The following SORBS2 variants were observed in gnomAD, a reference collection of about 807,000 sequenced individuals.
SORBS2 encodes the protein sorbin and SH3 domain containing 2, also known as sorbin and SH3 domain-containing protein 2.
SORBS2 carries 46 observed loss-of-function variants against 97.7 expected under a neutral mutation model. The observed-to-expected ratio is 0.47, with a 90% CI of 0.37 to 0.60. SORBS2 has a LOEUF of 0.60. Among genes scored for constraint, SORBS2 ranks in the 20% least tolerant of loss-of-function variants. The pLI, the probability that SORBS2 is intolerant of heterozygous loss-of-function variation, is 0.00. For missense variants in SORBS2, 1,316 were observed against 1,282.3 expected (o/e 1.03, Z -0.40); for synonymous variants, 476 against 473.4 (o/e 1.01, Z -0.07).
At chr4:185,814,896 G>A (rs543504424) in intron 1 of SORBS2, among the ~76,000 whole-genome samples, 8 of 152,242 alleles carry the variant, frequency 5.3e-5, no homozygotes. Context: ...CATTGGCATT[G>A]CTCTGACCTC....
intron 1 of SORBS2, among the ~76,000 whole-genome samples, chr4:185,907,059 C>T (rs2099251341): frequency 6.6e-6 from 1 of 151,770 alleles, no homozygotes; most frequent in South Asian, 2.1e-4. Flanking sequence ...CAGCTTGAAC[C>T]TTGGAGGCAG....
intron 1 of SORBS2, among the ~76,000 whole-genome samples, chr4:185,836,091 C>CAGA (rs1353366543): frequency 1.3e-5 from 2 of 151,864 alleles, no homozygotes; most frequent in Non-Finnish European, 2.9e-5. Context: ...AACGATGACC[C>CAGA]AGAGCTCCAG....
intron 4 of SORBS2, among the ~76,000 whole-genome samples, chr4:185,636,560 C>T (rs1281151805): frequency 2.0e-5 from 3 of 151,902 alleles, no homozygotes; most frequent in African/African-American, 7.3e-5. Flanking sequence ...CGCATAAAAA[C>T]GTGTGTAACT....
chr4:185,815,634 T>C (rs1350418391), intron 1 of SORBS2, among the ~76,000 whole-genome samples: 1 of 152,122 alleles, frequency 6.6e-6, no homozygotes, highest in Non-Finnish European at 1.5e-5. Flanking sequence ...ATATATATGC[T>C]CTAATAGTAT....
rs1307703141 is a variant in SORBS2 at position 185,704,712 on chromosome 4, A to AGGC, written c.-197-25891_-197-25890insGCC. ...GATGTTCCCTCTCCCTCAACTCTCCATGTTTTGAGAAATAAGACAAGAAAC... is the reference window on the plus strand; with the variant it reads ...GATGTTCCCTCTCCCTCAACTCTCCAGGCTGTTTTGAGAAATAAGACAAGAAAC... On this transcript the variant is annotated intron_variant, in intron 2 of 20. Coordinates refer to the SORBS2 transcript ENST00000284776. 1.7e-3 allele frequency among the ~76,000 whole-genome samples: 256 copies of AGGC among 152,230 alleles called. 2 individuals carry two copies. Among genetic ancestry groups the AGGC allele is most frequent in the African/African-American group, 5.9e-3 (245 of 41,502 alleles).
intron 1 of SORBS2, among the ~76,000 whole-genome samples, chr4:185,822,391 C>A (rs757110660): frequency 2.0e-5 from 3 of 152,226 alleles, no homozygotes; most frequent in Non-Finnish European, 2.9e-5. Context: ...CGCTGCCCAG[C>A]ACATCAGGAG....
chr4:185,645,259 C>T (rs367973862), intron 4 of SORBS2, among the ~76,000 whole-genome samples: 5 of 152,244 alleles, frequency 3.3e-5, no homozygotes, highest in African/African-American at 1.2e-4. Flanking sequence ...TATATTATTT[C>T]ACTGTTTTCA....
chr4:185,919,365 G>A (rs957348127), intron 1 of SORBS2: 17 of 152,192 alleles, frequency 1.1e-4, no homozygotes, highest in African/African-American at 3.6e-4. Context: ...GCTGTGGGAT[G>A]AAACCAGGCT....
At chr4:185,949,559 G>T (rs993493395) in intron 1 of SORBS2, among the ~76,000 whole-genome samples, 1 of 152,008 alleles carries the variant, frequency 6.6e-6, no homozygotes, top group Admixed American at 6.6e-5. Flanking sequence ...CTAAGGGGGC[G>T]GGGGGCAGAG....
At chr4:185,830,686 G>T (rs1018249923) in intron 1 of SORBS2, among the ~76,000 whole-genome samples, 5 of 152,006 alleles carry the variant, frequency 3.3e-5, no homozygotes, top group African/African-American at 1.2e-4. Context: ...AAATGTCTTG[G>T]GTTGGTGCTG....
chr4:185,858,402 T>C (rs1458328020), intron 1 of SORBS2, among the ~76,000 whole-genome samples: 1 of 152,226 alleles, frequency 6.6e-6, no homozygotes, highest in African/African-American at 2.4e-5. Context: ...CTTGGTATTC[T>C]ATTAGAACAA....
intron 2 of SORBS2, among the ~76,000 whole-genome samples, chr4:185,735,421 T>C (rs1310805256): frequency 6.6e-6 from 1 of 150,496 alleles, no homozygotes; most frequent in Non-Finnish European, 1.5e-5. Context: ...TTTGCAGATA[T>C]CTGCAAATTT....
At chr4:185,827,952 A>T (rs939273922) in intron 1 of SORBS2, among the ~76,000 whole-genome samples, 9 of 37,094 alleles carry the variant, frequency 2.4e-4, no homozygotes, top group African/African-American at 7.7e-4. Context: ...CATCATCATC[A>T]TCGTCACCAT....
intron 1 of SORBS2, among the ~76,000 whole-genome samples, chr4:185,817,031 G>C (rs1282509641): frequency 6.6e-6 from 1 of 152,156 alleles, no homozygotes; most frequent in East Asian, 1.9e-4. Flanking sequence ...CCTAAGTCTG[G>C]AGAGCCCGGT....
At chr4:185,696,614 G>A (rs541249891) in intron 2 of SORBS2, among the ~76,000 whole-genome samples, 127 of 152,108 alleles carry the variant, frequency 8.3e-4, no homozygotes, top group African/African-American at 2.5e-3. Context: ...CCACCATGCC[G>A]TATTTTTAGT....
intron 2 of SORBS2, among the ~76,000 whole-genome samples, chr4:185,724,719 T>C (rs527324983): frequency 6.6e-6 from 1 of 152,182 alleles, no homozygotes; most frequent in Admixed American, 6.5e-5. Flanking sequence ...TGCCAGACTA[T>C]CTGCTCTCCC....
intron 2 of SORBS2, among the ~76,000 whole-genome samples, chr4:185,725,757 C>T (rs2098550770): frequency 6.6e-6 from 1 of 152,082 alleles, no homozygotes; most frequent in Non-Finnish European, 1.5e-5. Flanking sequence ...GCTCTCCTGT[C>T]CCTAGTTCTC....
Position 185,904,214 on chromosome 4 carries a change from TGTCTACC to T in SORBS2, c.-338+51975_-338+51981del, listed in dbSNP as rs1397245344. ...TTCTGAGAGAAAAAGACCTGCCTAA[TGTCTACC>T]ACCCTTACAGTATAAGAGCAGCAGG... On this transcript the variant is annotated intron_variant, in intron 1 of 20. Transcript: ENST00000284776. 2.0e-5 allele frequency among the ~76,000 whole-genome samples: 3 copies of T among 152,228 alleles called. No individual in the cohort carries two copies. The East Asian group carries it at 5.8e-4, about 29-fold the overall frequency.
intron 1 of SORBS2, among the ~76,000 whole-genome samples, chr4:185,842,518 G>T (rs545133360): frequency 6.6e-6 from 1 of 152,088 alleles, no homozygotes; most frequent in Admixed American, 6.5e-5. Context: ...AAGTTATATC[G>T]TACATTAAAA....
Sources: gnomAD v4.1 joint callset for allele counts (sites outside exome capture counted in the v4.1 genomes callset) on GRCh38, gnomAD v4.1.1 for gene constraint, MANE v1.5 for transcripts, NCBI Gene and HGNC (gene_info 2026-07-23, HGNC 2026-07-21) for gene names.